The following PCDHGB2 variants were observed in gnomAD, a reference collection of about 807,000 sequenced individuals.
The protein encoded by PCDHGB2 is protocadherin gamma subfamily B, 2.
A neutral mutation model predicts 59.3 loss-of-function variants in PCDHGB2; 55 were observed. The ratio of observed to expected loss-of-function variants is 0.93; its 90% CI spans 0.75 to 1.16. PCDHGB2 has a LOEUF of 1.16. Ranked by LOEUF, PCDHGB2 falls within the 50% of genes most tolerant of loss-of-function variation. The probability of loss-of-function intolerance (pLI) is 0.00; values close to 1 mark genes in which losing one functional copy is unlikely to be tolerated. For missense variants in PCDHGB2, 1,228 were observed against 1,198.5 expected (o/e 1.02, Z -0.36); for synonymous variants, 516 against 512.0 (o/e 1.01, Z -0.11).
intron 1 of PCDHGB2, chr5:141,393,457 C>T (rs780177231): frequency 1.9e-6 from 3 of 1,614,050 alleles, no homozygotes; most frequent in East Asian, 2.2e-5. Flanking sequence ...CTCACGGCCT[C>T]GGATGGCGGC....
rs746408347 is a variant in PCDHGB2 at position 141,486,293 on chromosome 5, G to A, written c.2422-8514G>A. ...TGGCACTGTGGTGGCACTTATCAGT[G>A]TGCAGGATCCAGACTCAGGGTCAAA... On this transcript the variant is annotated intron_variant, in intron 1 of 3. Transcript: ENST00000522605. This position sits in a 1 kb window ranked among gnomAD's most constrained non-coding sequence, Gnocchi z 5.0. The A allele has an allele frequency of 3.1e-6, 5 of 1,614,018 alleles. No homozygotes were observed. In the Admixed American group the frequency reaches 8.3e-5, roughly 27 times the overall value.
intron 1 of PCDHGB2, chr5:141,390,281 G>A (rs995951705): frequency 1.9e-6 from 3 of 1,613,968 alleles, no homozygotes; most frequent in Middle Eastern, 1.6e-4. Context: ...CTTCCCATCA[G>A]GTGAGTTTCC....
rs1382855379 is a variant in PCDHGB2 at position 141,361,380 on chromosome 5, C to T, written c.1245C>T (p.Ile415=). 6 of 1,613,850 alleles carry T rather than the reference C, an allele frequency of 3.7e-6. 1 individual carries two copies. In the African/African-American group the frequency reaches 4.0e-5, roughly 11 times the overall value. ...ACGGCGCTCTGGACCGGGAGGAGAT[C>T]CCAGAATACAATCTCACCATCACAG... The part of the protein sequence containing the change: ...VTDGALDREE[I]PEYNLTITAT... The change falls in exon 1 of 4, where the codon ATC becomes ATT. Residue 415 remains isoleucine, a synonymous_variant. Transcript: ENST00000522605.
intron 1 of PCDHGB2, among the ~76,000 whole-genome samples, chr5:141,460,758 C>T (rs1292050905): frequency 6.6e-6 from 1 of 150,582 alleles, no homozygotes; most frequent in African/African-American, 2.4e-5. Context: ...TGTACATATA[C>T]ATATTGCATA....
At chr5:141,362,807 C>T (rs1762681821) in intron 1 of PCDHGB2, among the ~76,000 whole-genome samples, 1 of 152,214 alleles carries the variant, frequency 6.6e-6, no homozygotes, top group Non-Finnish European at 1.5e-5. Context: ...CTTTACATTA[C>T]TTCTCTCTGC....
At position 141,477,576 on chromosome 5, in the gene PCDHGB2, C is replaced by A; in HGVS notation, c.2422-17231C>A. The A allele has an allele frequency of 6.2e-7, 1 of 1,614,162 alleles. No homozygotes were observed. The highest frequency in any genetic ancestry group is 8.5e-7 in the Non-Finnish European group (1 of 1,180,026). On this transcript the variant is annotated intron_variant, in intron 1 of 3. Transcript: ENST00000522605. The surrounding 1 kb of genome is among the most constrained non-coding windows in gnomAD (Gnocchi z 4.9). ...CTAAGTGTCTGGGACCCCGACGCCC[C>A]GCAGAATGCTCGGCTTTCTTTCTTT...
At chr5:141,505,576 T>C in intron 3 of PCDHGB2, 95 bp downstream of exon 3, 5 of 1,590,334 alleles carry the variant, frequency 3.1e-6, no homozygotes, top group Admixed American at 1.7e-5. Context: ...ATGTCAAACC[T>C]GTGTAGTTTC....
chr5:141,404,018 G>A (rs1280619437), intron 1 of PCDHGB2: 1 of 1,613,864 alleles, frequency 6.2e-7, no homozygotes, highest in African/African-American at 1.3e-5. Flanking sequence ...GTTTAGCCCA[G>A]TGAGAGAAGA....
chr5:141,421,879 G>T (rs1458461652), intron 1 of PCDHGB2: 1 of 1,613,746 alleles, frequency 6.2e-7, no homozygotes, highest in Non-Finnish European at 8.5e-7. Context: ...AGCTTTAGAT[G>T]GAGGCGATCC....
intron 3 of PCDHGB2, among the ~76,000 whole-genome samples, chr5:141,509,568 C>T (rs535982453): frequency 3.3e-5 from 5 of 152,336 alleles, no homozygotes; most frequent in Admixed American, 2.0e-4. Flanking sequence ...GCAGCCTTCA[C>T]AGTGCGTACA....
chr5:141,400,803 A>G, intron 1 of PCDHGB2: 1 of 556,958 alleles, frequency 1.8e-6, no homozygotes, highest in South Asian at 2.5e-5. Context: ...CTCAAAGCTA[A>G]TGAATTTTAC....
In PCDHGB2 at chr5:141,491,169, G is replaced by A. The variant is rs374498014; in HGVS notation, c.2422-3638G>A. The A allele has an allele frequency of 1.2e-6, 2 of 1,614,192 alleles. No homozygotes were observed. Among genetic ancestry groups the A allele is most frequent in the African/African-American group, 1.3e-5 (1 of 75,058 alleles). On this transcript the variant is annotated intron_variant, in intron 1 of 3. Transcript: ENST00000522605. The surrounding 1 kb of genome is among the most constrained non-coding windows in gnomAD (Gnocchi z 6.9). ...TGGAGGATGACTCTGACACCCAGCA[G>A]GTGGTGGTCCTGGTGAGGGACAATG...
At chr5:141,367,142 G>A (rs1224581067) in intron 1 of PCDHGB2, 1 of 171,748 alleles carries the variant, frequency 5.8e-6, no homozygotes, top group African/African-American at 2.4e-5. Flanking sequence ...AAAGGATAAT[G>A]TATAGGACTG....
At position 141,397,472 on chromosome 5, in the gene PCDHGB2, A is replaced by T. The variant is rs548612657; in HGVS notation, c.2421+34916A>T. 6.6e-4 allele frequency among the ~76,000 whole-genome samples: 100 copies of T among 152,362 alleles called. 1 individual carries two copies. Among genetic ancestry groups the T allele is most frequent in the African/African-American group, 2.4e-3 (99 of 41,586 alleles). ...AACACTAGAAATATTGGGGAGTTGG[A>T]AATCATAGAAATGAACAGAAGAATG... On this transcript the variant is annotated intron_variant, in intron 1 of 3. Coordinates refer to ENST00000522605, the MANE Select transcript of PCDHGB2 (RefSeq NM_018923.3).
At chr5:141,439,215 G>A (rs1319217047) in intron 1 of PCDHGB2, among the ~76,000 whole-genome samples, 2 of 151,488 alleles carry the variant, frequency 1.3e-5, no homozygotes, top group African/African-American at 4.9e-5. Flanking sequence ...ATCCATATGT[G>A]AAAATTCTTA....
chr5:141,375,150 T>G, intron 1 of PCDHGB2: 1 of 1,613,946 alleles, frequency 6.2e-7, no homozygotes, highest in Non-Finnish European at 8.5e-7. Context: ...AGCAGAACAA[T>G]TGCTGAAAGT....
At chr5:141,504,306 G>A (rs2099837315) in intron 2 of PCDHGB2, among the ~76,000 whole-genome samples, 1 of 152,076 alleles carries the variant, frequency 6.6e-6, no homozygotes, top group South Asian at 2.1e-4. Context: ...AACACTCGGA[G>A]TTTCTAAAAG....
At position 141,487,670 on chromosome 5, in the gene PCDHGB2, T is replaced by C. The variant is rs2099658277; in HGVS notation, c.2422-7137T>C. 2 of 1,612,302 alleles carry C rather than the reference T, an allele frequency of 1.2e-6. No homozygotes were observed. Among genetic ancestry groups the C allele is most frequent in the Non-Finnish European group, 1.7e-6 (2 of 1,179,082 alleles). On this transcript the variant is annotated intron_variant, in intron 1 of 3. Transcript: ENST00000522605. The surrounding 1 kb of genome is among the most constrained non-coding windows in gnomAD (Gnocchi z 5.0). The stretch of plus-strand genomic sequence containing the variant: ...TGAGGGTTATTCTGATCCAGGCATA[T>C]GGCTAGGCCATGTCCTAGAGAGTAC...
chr5:141,384,366 T>A (rs573164893), intron 1 of PCDHGB2: 1 of 1,613,896 alleles, frequency 6.2e-7, no homozygotes, highest in Non-Finnish European at 8.5e-7. Context: ...AGATCACTTA[T>A]TCCTTGGCCG....
Sources: allele counts gnomAD v4.1 joint callset (sites outside exome capture counted in the v4.1 genomes callset), GRCh38; gene constraint gnomAD v4.1.1; non-coding constraint Gnocchi (gnomAD v3.1); transcripts MANE v1.5; gene names NCBI Gene and HGNC (gene_info 2026-07-23, HGNC 2026-07-21).